The following FGD2 variants were observed in gnomAD, a reference collection of about 807,000 sequenced individuals.
FGD2 encodes FYVE, RhoGEF and PH domain containing 2.
FGD2 carries 52 observed loss-of-function variants against 75.9 expected under a neutral mutation model. That is an observed-to-expected ratio of 0.69 (90% CI 0.55 to 0.86). The LOEUF is 0.86. Among genes scored for constraint, FGD2 ranks in the 40% least tolerant of loss-of-function variants. FGD2 has a pLI of 0.00. For synonymous variants in FGD2, 347 were observed against 348.6 expected, an observed-to-expected ratio of 1.00 and a Z score of 0.05; for missense variants, 790 against 872.0, an observed-to-expected ratio of 0.91 and a Z score of 1.18.
rs753109110 is a variant in FGD2, at chr6:37,011,060, C to A, written c.378+10C>A. ...CCACCTGCTAGACCAGGCCAGTGAC[C>A]AGGACACCCCCCTCTAGAGCCCCAG... On this transcript the variant is annotated intron_variant, in intron 3 of 15. Transcript: ENST00000274963. 5 of 1,613,694 alleles carry A rather than the reference C, an allele frequency of 3.1e-6. No individual in the cohort carries two copies. The East Asian group carries it at 6.7e-5, about 22-fold the overall frequency.
intron 13 of FGD2, chr6:37,023,611 A>C (rs933539775): frequency 1.3e-5 from 2 of 152,272 alleles, no homozygotes; most frequent in Non-Finnish European, 2.9e-5. Flanking sequence ...GGAGGAGTCT[A>C]GCTGGACAGG....
At chr6:37,024,529 G>A (rs1354060729) in intron 13 of FGD2, 1 of 152,038 alleles carries the variant, frequency 6.6e-6, no homozygotes, top group African/African-American at 2.4e-5. Flanking sequence ...TATAGAGAGA[G>A]ACAGAGAGCA....
At chr6:37,014,241 C>A in intron 6 of FGD2, 141 bp downstream of exon 6, 3 of 1,042,648 alleles carry the variant, frequency 2.9e-6, no homozygotes, top group Non-Finnish European at 2.7e-6. Context: ...TCATCCATAC[C>A]ATTAGCCATT....
intron 11 of FGD2, 46 bp downstream of exon 11, chr6:37,020,785 CTTTTTTCT>C: frequency 3.9e-6 from 6 of 1,549,456 alleles, no homozygotes; most frequent in Non-Finnish European, 5.2e-6. Flanking sequence ...TCCTTTCTTT[CTTTTTTCT>C]TTTTTTCTTT....
chr6:37,026,619 A>G (rs1273842703), intron 14 of FGD2, among the ~76,000 whole-genome samples: 1 of 151,948 alleles, frequency 6.6e-6, no homozygotes, highest in African/African-American at 2.4e-5. Flanking sequence ...CCCCTCCCTC[A>G]CGAAGGCCAG....
At chr6:37,007,675 A>C (rs1390208737) in intron 1 of FGD2, among the ~76,000 whole-genome samples, 1 of 152,198 alleles carries the variant, frequency 6.6e-6, no homozygotes, top group Admixed American at 6.5e-5. Context: ...AGCTGATCTG[A>C]AACTGAGGGG....
intron 2 of FGD2, 104 bp downstream of exon 2, chr6:37,009,169 T>C: frequency 8.7e-7 from 1 of 1,153,130 alleles, no homozygotes; most frequent in East Asian, 2.6e-5. Flanking sequence ...GTTCCCCAGG[T>C]GGGGGTATGG....
At chr6:37,008,486 C>G (rs905275374) in intron 1 of FGD2, among the ~76,000 whole-genome samples, 1 of 152,118 alleles carries the variant, frequency 6.6e-6, no homozygotes, top group Non-Finnish European at 1.5e-5. Flanking sequence ...AAACTGAAAA[C>G]AGAGGTGAGG....
chr6:37,023,412 G>T (rs1167008255), intron 13 of FGD2: 2 of 152,554 alleles, frequency 1.3e-5, no homozygotes, highest in African/African-American at 4.8e-5. Flanking sequence ...GCTTCTTGAG[G>T]AGGGTACTGT....
Position 37,028,011 on chromosome 6 carries a change from G to A in FGD2, c.1816G>A (p.Asp606Asn), listed in dbSNP as rs763245999. ...CCAGGTGACTGTTGGGCCCCAGGGG[G>A]ACCCTCGGGTCTTCCAGCTACAGCA... ...GYQVTVGPQG[D>N]PRVFQLQQSG... The change falls in exon 16 of 16, where the codon GAC becomes AAC. Residue 606 changes from aspartate (D) to asparagine (N), a missense_variant. By Grantham distance (23) the Asp-to-Asn change is conservative. Coordinates refer to ENST00000274963, the MANE Select transcript of FGD2 (RefSeq NM_173558.4). 1.2e-6 allele frequency: 2 copies of A among 1,614,080 alleles called. No individual in the cohort carries two copies. Among genetic ancestry groups the A allele is most frequent in the South Asian group, 1.1e-5 (1 of 91,086 alleles).
intron 14 of FGD2, 174 bp downstream of exon 14, chr6:37,026,112 C>T: frequency 2.0e-6 from 2 of 985,448 alleles, no homozygotes; most frequent in Non-Finnish European, 2.4e-6. Flanking sequence ...CTCGCCACAG[C>T]CCAGGCAGTG....
chr6:37,007,027 C>T (rs961610566), intron 1 of FGD2, among the ~76,000 whole-genome samples: 5 of 152,102 alleles, frequency 3.3e-5, no homozygotes, highest in African/African-American at 7.2e-5. Context: ...ATAAATTACC[C>T]GGCAGCCCCC....
intron 8 of FGD2, among the ~76,000 whole-genome samples, chr6:37,015,249 C>A (rs1765227737): frequency 6.6e-6 from 1 of 152,200 alleles, no homozygotes; most frequent in African/African-American, 2.4e-5. Flanking sequence ...ACAGGTTTCC[C>A]AGACATGTCC....
intron 12 of FGD2, 29 bp from the exon 13 acceptor site, chr6:37,022,210 A>C (rs1583319812): frequency 6.3e-7 from 1 of 1,592,076 alleles, no homozygotes. Context: ...CCAAGGGCCC[A>C]TTCCTGCCCA....
At chr6:37,013,446 T>C (rs1765119229) in intron 4 of FGD2, 163 bp from the exon 5 acceptor site, 1 of 1,425,652 alleles carries the variant, frequency 7.0e-7, no homozygotes, top group South Asian at 1.5e-5. Flanking sequence ...GTCTAAGGAG[T>C]AGAGGGGCGC....
At chr6:37,027,640 G>T in intron 15 of FGD2, 65 bp downstream of exon 15, 1 of 1,584,578 alleles carries the variant, frequency 6.3e-7, no homozygotes. Flanking sequence ...GTGTGAAGGG[G>T]GTCAGGGGTG....
Position 37,020,755 on chromosome 6 carries a change from G to A in FGD2, c.1233+16G>A, listed in dbSNP as rs749497583. On this transcript the variant is annotated intron_variant, in intron 11 of 15. Coordinates refer to ENST00000274963, the MANE Select transcript of FGD2 (RefSeq NM_173558.4). ...CTGGATGCAGGTATGGGAACGCTCCGAGGCTTCTGGGAGTCTTTTTCCTTT... is the reference window on the plus strand; with the variant it reads ...CTGGATGCAGGTATGGGAACGCTCCAAGGCTTCTGGGAGTCTTTTTCCTTT... The A allele has an allele frequency of 8.3e-6, 13 of 1,560,032 alleles. No individual in the cohort carries two copies. The highest frequency in any genetic ancestry group is 2.7e-5 in the African/African-American group (2 of 73,492).
At chr6:37,020,153 A>C (rs1337581745) in intron 9 of FGD2, among the ~76,000 whole-genome samples, 1 of 152,200 alleles carries the variant, frequency 6.6e-6, no homozygotes. Flanking sequence ...CACCCAGCCA[A>C]GGTTATTTTC....
chr6:37,026,324 A>G, intron 14 of FGD2: 1 of 985,424 alleles, frequency 1.0e-6, no homozygotes, highest in Non-Finnish European at 1.2e-6. Flanking sequence ...CTGACGCTCC[A>G]GGTCAGACAG....
Sources: gnomAD v4.1 joint callset for allele counts (sites outside exome capture counted in the v4.1 genomes callset) on GRCh38, gnomAD v4.1.1 for gene constraint, MANE v1.5 for transcripts, NCBI Gene and HGNC (gene_info 2026-07-23, HGNC 2026-07-21) for gene names.